HECW1: variants seen among roughly 807,000 people sequenced by gnomAD.
The protein encoded by HECW1 is HECT, C2 and WW domain containing E3 ubiquitin protein ligase 1.
Under a neutral mutation model 182.3 loss-of-function variants are expected in HECW1, and 61 were observed. That is an observed-to-expected ratio of 0.33 (90% CI 0.27 to 0.41). The LOEUF (loss-of-function observed/expected upper bound fraction) is 0.41, where lower values mean the gene tolerates loss of function less well. Ranked by LOEUF, HECW1 falls within the 10% of genes least tolerant of loss-of-function variation. The pLI is 1.00. For synonymous variants in HECW1, 859 were observed against 832.6 expected, an observed-to-expected ratio of 1.03 and a Z score of -0.55; for missense variants, 1,739 against 2,108.9, an observed-to-expected ratio of 0.82 and a Z score of 3.44.
chr7:43,272,438 C>A (rs764307714), intron 3 of HECW1, among the ~76,000 whole-genome samples: 1 of 152,004 alleles, frequency 6.6e-6, no homozygotes, highest in Non-Finnish European at 1.5e-5. Flanking sequence ...ATGCATCCAA[C>A]AAAAGTCTAA....
intron 2 of HECW1, among the ~76,000 whole-genome samples, chr7:43,192,217 C>T (rs1022290803): frequency 3.3e-5 from 5 of 152,116 alleles, no homozygotes; most frequent in African/African-American, 1.2e-4. Context: ...CCTTGGCTTC[C>T]CAAAGTGCTG....
chr7:43,116,121 AG>A (rs1785026141), intron 2 of HECW1, among the ~76,000 whole-genome samples: 1 of 152,202 alleles, frequency 6.6e-6, no homozygotes, highest in Non-Finnish European at 1.5e-5. Flanking sequence ...AAGATGCTTA[AG>A]GGGGAACCGA....
chr7:43,162,379 C>A (rs1790637679), intron 2 of HECW1, among the ~76,000 whole-genome samples: 4 of 152,334 alleles, frequency 2.6e-5, no homozygotes, highest in Middle Eastern at 6.8e-3. Context: ...CCTCTCCTAG[C>A]TTCTGGGGGC....
At position 43,479,609 on chromosome 7, in the gene HECW1, G is replaced by A; in HGVS notation, c.3100-1G>A. 1 of 1,614,022 alleles carries A rather than the reference G, an allele frequency of 6.2e-7. No individual in the cohort carries two copies. The highest frequency in any genetic ancestry group is 8.5e-7 in the Non-Finnish European group (1 of 1,179,988). On this transcript the variant is annotated splice_acceptor_variant, in intron 16 of 29. Coordinates refer to ENST00000395891, the MANE Select transcript of HECW1 (RefSeq NM_015052.5). LOFTEE classifies it high-confidence loss of function. ...GCTTTTTTTCACTGGTCTGTTCGCAGTCTTTTTTCGTGGACCACAACAGTC... is the reference window on the plus strand; with the variant it reads ...GCTTTTTTTCACTGGTCTGTTCGCAATCTTTTTTCGTGGACCACAACAGTC...
chr7:43,552,122 G>A (rs1231667122), intron 27 of HECW1, 100 bp from the exon 28 acceptor site: 25 of 731,734 alleles, frequency 3.4e-5, no homozygotes, highest in Middle Eastern at 4.7e-4. Flanking sequence ...AGTATTGCCA[G>A]TGATGGTCAA....
At chr7:43,224,637 C>G (rs1324310155) in intron 2 of HECW1, among the ~76,000 whole-genome samples, 1 of 150,532 alleles carries the variant, frequency 6.6e-6, no homozygotes, top group Non-Finnish European at 1.5e-5. Flanking sequence ...CTGGGCAACA[C>G]GGCAAGACCC....
chr7:43,470,245 T>A (rs914783968), intron 16 of HECW1, among the ~76,000 whole-genome samples: 1 of 152,082 alleles, frequency 6.6e-6, no homozygotes, highest in Non-Finnish European at 1.5e-5. Context: ...GGTGGGAAAA[T>A]GAAGCCTGAG....
intron 3 of HECW1, among the ~76,000 whole-genome samples, chr7:43,262,178 G>A (rs915337067): frequency 1.3e-5 from 2 of 152,102 alleles, no homozygotes; most frequent in South Asian, 2.1e-4. Context: ...CTGAGATTGC[G>A]CCACTACACT....
chr7:43,420,328 A>G (rs1443172967), intron 8 of HECW1, among the ~76,000 whole-genome samples: 1 of 152,220 alleles, frequency 6.6e-6, no homozygotes, highest in Non-Finnish European at 1.5e-5. Context: ...GACTTAATAT[A>G]TTAATAATAA....
chr7:43,438,152 C>A lies in HECW1; in HGVS notation c.944+7C>A, dbSNP rs368197745. On this transcript the variant is annotated splice_region_variant and intron_variant, in intron 9 of 29. Transcript: ENST00000395891. ...TGGAGAGACACGCCATAGGGTAAAC[C>A]TGTGACTGAGATCTTACTATCACTA... 79 of 1,610,708 alleles carry A rather than the reference C, an allele frequency of 4.9e-5. No homozygotes were observed. In the African/African-American group the frequency reaches 8.5e-4, roughly 17 times the overall value.
chr7:43,371,963 G>T (rs1362776620), intron 6 of HECW1, among the ~76,000 whole-genome samples: 2 of 152,074 alleles, frequency 1.3e-5, no homozygotes, highest in African/African-American at 4.8e-5. Flanking sequence ...GAGATTACAG[G>T]TGCCCACCAC....
chr7:43,348,811 C>T (rs184010175), intron 5 of HECW1, among the ~76,000 whole-genome samples: 1 of 152,218 alleles, frequency 6.6e-6, no homozygotes, highest in East Asian at 1.9e-4. Flanking sequence ...CATGTATTTG[C>T]ATGGTTTTAA....
rs772417451 is a variant in HECW1, at chr7:43,445,203, C to T, written c.2031C>T (p.Cys677=). 7 of 1,613,208 alleles carry T rather than the reference C, an allele frequency of 4.3e-6. No individual in the cohort carries two copies. The East Asian group carries it at 1.6e-4, about 36-fold the overall frequency. Residue 677 remains cysteine, a synonymous_variant, in exon 11 of 30, where the codon TGC becomes TGT. Coordinates refer to ENST00000395891, the MANE Select transcript of HECW1 (RefSeq NM_015052.5). ...GTTGCGAGGGCTGTGACGCGTCCTG[C>T]TGCAGCCCCTCGTGCTACAGCTCCT... ...DHSCEGCDAS[C]CSPSCYSSSC... is the part of the protein sequence containing the mutation.
At chr7:43,190,819 G>A (rs891904158) in intron 2 of HECW1, among the ~76,000 whole-genome samples, 1 of 152,172 alleles carries the variant, frequency 6.6e-6, no homozygotes, top group Non-Finnish European at 1.5e-5. Flanking sequence ...GGATTATTCT[G>A]TGCAAACTAT....
At chr7:43,552,976 C>T (rs1344781558) in intron 28 of HECW1, among the ~76,000 whole-genome samples, 1 of 152,132 alleles carries the variant, frequency 6.6e-6, no homozygotes, top group African/African-American at 2.4e-5. Context: ...CATCCAGGAC[C>T]CAGCTCCTGA....
At chr7:43,326,207 A>G (rs935287941) in intron 5 of HECW1, among the ~76,000 whole-genome samples, 6 of 152,194 alleles carry the variant, frequency 3.9e-5, no homozygotes, top group African/African-American at 1.4e-4. Context: ...ATCATCCCAT[A>G]TTTTAAAAAC....
chr7:43,307,187 C>T (rs887287924), intron 3 of HECW1, among the ~76,000 whole-genome samples: 6 of 151,860 alleles, frequency 4.0e-5, no homozygotes, highest in African/African-American at 1.4e-4. Flanking sequence ...TTTTTTCAAG[C>T]GTCAACTAAA....
intron 2 of HECW1, among the ~76,000 whole-genome samples, chr7:43,140,463 T>G (rs755007116): frequency 2.8e-4 from 43 of 152,220 alleles, no homozygotes; most frequent in Non-Finnish European, 5.1e-4. Context: ...ATCTAAGTGC[T>G]GAAGTAATGC....
intron 13 of HECW1, among the ~76,000 whole-genome samples, chr7:43,460,978 C>T (rs2077563473): frequency 6.6e-6 from 1 of 152,242 alleles, no homozygotes; most frequent in Non-Finnish European, 1.5e-5. Flanking sequence ...CATATTTACT[C>T]ATAATGCTCT....
Sources: gnomAD v4.1 joint callset for allele counts (sites outside exome capture counted in the v4.1 genomes callset) on GRCh38, gnomAD v4.1.1 for gene constraint, MANE v1.5 for transcripts, NCBI Gene and HGNC (gene_info 2026-07-23, HGNC 2026-07-21) for gene names.